The following FHIT variants were observed in gnomAD, a reference collection of about 807,000 sequenced individuals.
FHIT encodes fragile histidine triad diadenosine triphosphatase, also known as bis(5'-adenosyl)-triphosphatase.
Under a neutral mutation model 17.9 loss-of-function variants are expected in FHIT, and 19 were observed. That is an observed-to-expected ratio of 1.06 (90% CI 0.74 to 1.56). The LOEUF is 1.56. FHIT is among the 40% of genes most tolerant of loss of function. FHIT has a pLI of 0.00. For synonymous variants in FHIT, 81 were observed against 69.7 expected, an observed-to-expected ratio of 1.16 and a Z score of -0.81; for missense variants, 248 against 189.2, an observed-to-expected ratio of 1.31 and a Z score of -1.82.
chr3:59,877,206 A>G (rs1703203348), intron 8 of FHIT, among the ~76,000 whole-genome samples: 1 of 152,234 alleles, frequency 6.6e-6, no homozygotes, highest in Non-Finnish European at 1.5e-5. Context: ...TCCTACCCTT[A>G]AACTCCTTAC....
chr3:60,201,276 T>C (rs1327831486), intron 5 of FHIT, among the ~76,000 whole-genome samples: 2 of 152,160 alleles, frequency 1.3e-5, no homozygotes, highest in Non-Finnish European at 2.9e-5. Flanking sequence ...TGATCGTCTA[T>C]GGTAGATTTC....
intron 7 of FHIT, among the ~76,000 whole-genome samples, chr3:59,985,870 G>A (rs983972661): frequency 6.6e-6 from 1 of 151,970 alleles, no homozygotes; most frequent in South Asian, 2.1e-4. Flanking sequence ...ACTGGGTACT[G>A]GAAATGAAAC....
intron 5 of FHIT, among the ~76,000 whole-genome samples, chr3:60,019,247 T>G (rs1016503811): frequency 6.6e-6 from 1 of 152,068 alleles, no homozygotes; most frequent in African/African-American, 2.4e-5. Flanking sequence ...CAACCCAGAT[T>G]CAAGGTAGAG....
At chr3:61,057,175 G>T (rs1214895522) in intron 2 of FHIT, among the ~76,000 whole-genome samples, 1 of 152,192 alleles carries the variant, frequency 6.6e-6, no homozygotes, top group Non-Finnish European at 1.5e-5. Flanking sequence ...TCTTGTTAAT[G>T]CAATATTCCT....
chr3:59,864,145 C>A (rs928401855), intron 8 of FHIT, among the ~76,000 whole-genome samples: 1 of 152,148 alleles, frequency 6.6e-6, no homozygotes, highest in African/African-American at 2.4e-5. Flanking sequence ...ACCTAGCTAA[C>A]CCACAAAAGG....
At position 61,202,976 on chromosome 3, in the gene FHIT, C is replaced by T. The variant is rs188378543; in HGVS notation, c.-212-2311G>A. On this transcript the variant is annotated intron_variant, in intron 1 of 9. Coordinates refer to ENST00000492590, the MANE Select transcript of FHIT (RefSeq NM_002012.4). ...CAGGCAGATCACGAGGTCAGGAGAT[C>T]GAGACCATCCTGGCTAATATGGTGA... Among the ~76,000 whole-genome samples the T allele has an allele frequency of 4.3e-4, 66 of 151,908 alleles. 2 individuals are homozygous for T. Among genetic ancestry groups the T allele is most frequent in the African/African-American group, 1.5e-3 (63 of 41,424 alleles).
intron 5 of FHIT, among the ~76,000 whole-genome samples, chr3:60,243,763 ATAT>A (rs1402183124): frequency 2.0e-5 from 3 of 152,104 alleles, no homozygotes; most frequent in Admixed American, 6.6e-5. Context: ...TTGTTTTATA[ATAT>A]TATCCCACCA....
chr3:60,843,122 G>C (rs915090852), intron 3 of FHIT, among the ~76,000 whole-genome samples: 2 of 152,086 alleles, frequency 1.3e-5, no homozygotes, highest in Non-Finnish European at 2.9e-5. Flanking sequence ...TAAAATTCAC[G>C]TAGGAATGGA....
chr3:61,145,453 GTC>G (rs2037199006), intron 2 of FHIT, among the ~76,000 whole-genome samples: 1 of 152,000 alleles, frequency 6.6e-6, no homozygotes, highest in Non-Finnish European at 1.5e-5. Flanking sequence ...GTAAGTGTGA[GTC>G]TTCAAACTTC....
rs1434029149 is a variant in FHIT, at chr3:60,744,263, CAAAACAAAA to C, written c.-18+77647_-18+77655del. On this transcript the variant is annotated intron_variant, in intron 4 of 9. Coordinates refer to ENST00000492590, the MANE Select transcript of FHIT (RefSeq NM_002012.4). ...AAGTAATGTAAAAAAAAAAACAAAA[CAAAACAAAA>C]AAAAAAAAAAACAGAAAGAAAAGAA... Among the ~76,000 whole-genome samples the C allele has an allele frequency of 1.8e-3, 157 of 85,990 alleles. 4 individuals carry two copies. The South Asian group carries it at 0.036, about 20-fold the overall frequency. 56.4% of individuals were successfully genotyped at this position (85,990 alleles called of 152,430 possible). A position where few individuals can be genotyped will look rare whatever the true frequency, so the allele number is the denominator to read the frequency against.
chr3:61,233,690 T>G (rs535399872), intron 1 of FHIT, among the ~76,000 whole-genome samples: 2 of 152,344 alleles, frequency 1.3e-5, no homozygotes, highest in Non-Finnish European at 2.9e-5. Context: ...ATATATTATT[T>G]CTGCAATATG....
At chr3:59,860,107 C>T (rs182121066) in intron 8 of FHIT, among the ~76,000 whole-genome samples, 310 of 152,134 alleles carry the variant, frequency 2.0e-3, no homozygotes, top group Non-Finnish European at 2.6e-3. Flanking sequence ...ACCCTTCTGT[C>T]GGTTTGAAAC....
intron 7 of FHIT, among the ~76,000 whole-genome samples, chr3:59,976,812 A>G (rs1173026329): frequency 1.3e-5 from 2 of 152,138 alleles, no homozygotes; most frequent in Non-Finnish European, 2.9e-5. Context: ...CTCCTCCTTC[A>G]TCGTGCTCAT....
At chr3:59,760,832 A>AT (rs36036988) in intron 8 of FHIT, among the ~76,000 whole-genome samples, 37,941 of 145,874 alleles carry the variant, frequency 0.26, 5,268 homozygotes, top group African/African-American at 0.4. Flanking sequence ...TTTAGAGGTA[A>AT]TTTTTTTTTT....
chr3:60,119,361 T>A (rs1340174967), intron 5 of FHIT, among the ~76,000 whole-genome samples: 1 of 149,994 alleles, frequency 6.7e-6, no homozygotes, highest in Non-Finnish European at 1.5e-5. Flanking sequence ...GCATAAGCCA[T>A]CATGCCCAGC....
chr3:60,571,537 G>T (rs544340941), intron 4 of FHIT, among the ~76,000 whole-genome samples: 2 of 151,892 alleles, frequency 1.3e-5, no homozygotes, highest in Non-Finnish European at 2.9e-5. Flanking sequence ...ATTTGCATAC[G>T]CTCTGGGAGC....
chr3:60,402,688 G>C (rs574039631), intron 5 of FHIT, among the ~76,000 whole-genome samples: 1 of 152,220 alleles, frequency 6.6e-6, no homozygotes, highest in South Asian at 2.1e-4. Flanking sequence ...AATACCATCT[G>C]TAATAAAGTA....
At chr3:59,781,827 C>T (rs55799227) in intron 8 of FHIT, among the ~76,000 whole-genome samples, 49,249 of 152,024 alleles carry the variant, frequency 0.32, 8,470 homozygotes, top group Middle Eastern at 0.47. Context: ...ATGCAGCCTA[C>T]GGGATGGGGT....
At chr3:60,308,169 C>G (rs374987313) in intron 5 of FHIT, among the ~76,000 whole-genome samples, 31 of 152,234 alleles carry the variant, frequency 2.0e-4, no homozygotes, top group African/African-American at 6.3e-4. Flanking sequence ...TTCAGTCAGT[C>G]TCAGCTCCAC....
Sources: gnomAD v4.1 joint callset for allele counts (sites outside exome capture counted in the v4.1 genomes callset) on GRCh38, gnomAD v4.1.1 for gene constraint, MANE v1.5 for transcripts, NCBI Gene and HGNC (gene_info 2026-07-23, HGNC 2026-07-21) for gene names.